ESRRG: variants seen among roughly 807,000 people sequenced by gnomAD.
ESRRG encodes the protein estrogen related receptor gamma, also known as estrogen-related receptor gamma.
A neutral mutation model predicts 44.0 loss-of-function variants in ESRRG; 13 were observed. The observed-to-expected ratio is 0.30, with a 90% CI of 0.19 to 0.47. The LOEUF is 0.47. Among genes scored for constraint, ESRRG ranks in the 20% least tolerant of loss-of-function variants. The pLI, the probability that ESRRG is intolerant of heterozygous loss-of-function variation, is 1.00. For missense variants in ESRRG, 395 were observed against 580.6 expected, an observed-to-expected ratio of 0.68 and a Z score of 3.29; for synonymous variants, 215 against 214.6, an observed-to-expected ratio of 1.00 and a Z score of -0.02.
In ESRRG at chr1:216,717,359, C is replaced by T. The variant is rs572965938; in HGVS notation, c.56+5885G>A. Among the ~76,000 whole-genome samples the T allele has an allele frequency of 2.6e-5, 4 of 151,888 alleles. No homozygotes were observed. The South Asian group carries it at 8.3e-4, about 31-fold the overall frequency. ...CTCTGAATGGAAATTATTTTATTAG[C>T]TTAGGTTTCCTAGACCTTACAAAGT... On this transcript the variant is annotated intron_variant, in intron 1 of 6. Coordinates refer to ENST00000408911, the MANE Select transcript of ESRRG (RefSeq NM_001438.4).
intron 1 of ESRRG, among the ~76,000 whole-genome samples, chr1:216,963,620 T>A (rs960186892): frequency 6.6e-6 from 1 of 152,140 alleles, no homozygotes; most frequent in South Asian, 2.1e-4. Flanking sequence ...GAGCCACCAA[T>A]CTATACAAAA....
At chr1:217,130,030 A>G (rs1401390365) in intron 1 of ESRRG, among the ~76,000 whole-genome samples, 1 of 152,192 alleles carries the variant, frequency 6.6e-6, no homozygotes, top group African/African-American at 2.4e-5. Flanking sequence ...AGAAGAAGCA[A>G]AAAGCTTCTT....
At chr1:216,594,249 G>T (rs972096731) in intron 3 of ESRRG, among the ~76,000 whole-genome samples, 2 of 152,046 alleles carry the variant, frequency 1.3e-5, no homozygotes, top group African/African-American at 4.8e-5. Flanking sequence ...ATGAGATGAG[G>T]TGTCACTGGT....
chr1:216,841,120 T>C (rs2095646293), intron 2 of ESRRG, among the ~76,000 whole-genome samples: 1 of 152,154 alleles, frequency 6.6e-6, no homozygotes, highest in Non-Finnish European at 1.5e-5. Context: ...CCTGTAGTCA[T>C]CATCAACTCA....
chr1:217,035,374 T>C (rs2082715379), intron 1 of ESRRG, among the ~76,000 whole-genome samples: 4 of 147,010 alleles, frequency 2.7e-5, no homozygotes. Context: ...GGTGTCTCAG[T>C]AAAGAATAGC....
intron 6 of ESRRG, among the ~76,000 whole-genome samples, chr1:216,507,537 C>T (rs1189124835): frequency 3.3e-5 from 5 of 152,120 alleles, no homozygotes; most frequent in Non-Finnish European, 5.9e-5. Flanking sequence ...TAAACAACCA[C>T]GGAAGGCCAT....
Position 216,544,663 on chromosome 1 carries a change from A to G in ESRRG, c.862+19556T>C, listed in dbSNP as rs368488770. 2.4e-3 allele frequency among the ~76,000 whole-genome samples: 371 copies of G among 152,208 alleles called. 2 individuals carry two copies. The highest frequency in any genetic ancestry group is 8.6e-3 in the African/African-American group (356 of 41,570). On this transcript the variant is annotated intron_variant, in intron 5 of 6. Transcript: ENST00000408911. ...AGTTAATCTAGTTAGAATGGTACCT[A>G]GAACGAGTTTCAAGAGCTGGGGGAC...
chr1:217,024,160 C>T (rs990030433), intron 1 of ESRRG, among the ~76,000 whole-genome samples: 1 of 152,050 alleles, frequency 6.6e-6, no homozygotes, highest in African/African-American at 2.4e-5. Flanking sequence ...AGATGGAGAC[C>T]ATCCTGGCTA....
At chr1:217,090,267 G>A (rs1430792626), upstream of ESRRG, among the ~76,000 whole-genome samples, 1 of 151,960 alleles carries the variant, frequency 6.6e-6, no homozygotes, top group African/African-American at 2.4e-5. Flanking sequence ...CCTTTTGACC[G>A]TCACCAATCC....
chr1:216,856,352 A>AAC (rs5780935), intron 2 of ESRRG, among the ~76,000 whole-genome samples: 10,077 of 141,884 alleles, frequency 0.071, 405 homozygotes, highest in African/African-American at 0.088. Flanking sequence ...TTCTCTCTTC[A>AAC]ACACACACAC....
chr1:217,061,152 C>A (rs1446734478), intron 1 of ESRRG, among the ~76,000 whole-genome samples: 1 of 151,804 alleles, frequency 6.6e-6, no homozygotes, highest in Non-Finnish European at 1.5e-5. Context: ...TAAAATGTTC[C>A]TTGTTCAAGA....
chr1:216,529,793 C>T (rs1006999480), intron 5 of ESRRG, among the ~76,000 whole-genome samples: 1 of 151,530 alleles, frequency 6.6e-6, no homozygotes, highest in African/African-American at 2.4e-5. Context: ...TGGGAATATC[C>T]CACAATTAAA....
intron 2 of ESRRG, among the ~76,000 whole-genome samples, chr1:216,859,871 T>C (rs2576254): frequency 0.49 from 74,481 of 152,022 alleles, 20,616 homozygotes; most frequent in African/African-American, 0.76. Flanking sequence ...CAATCAAAAG[T>C]TACCAGTCAC....
chr1:216,957,164 C>T (rs894903077), intron 1 of ESRRG, among the ~76,000 whole-genome samples: 1 of 152,110 alleles, frequency 6.6e-6, no homozygotes, highest in Non-Finnish European at 1.5e-5. Flanking sequence ...CTTTTATCTA[C>T]TCTCTGTTGA....
At chr1:216,957,000 G>C (rs2068072060) in intron 1 of ESRRG, among the ~76,000 whole-genome samples, 1 of 152,140 alleles carries the variant, frequency 6.6e-6, no homozygotes, top group Admixed American at 6.6e-5. Context: ...GTTATGAAAA[G>C]CATCATATCA....
intron 2 of ESRRG, among the ~76,000 whole-genome samples, chr1:216,866,491 T>C (rs966680988): frequency 1.3e-5 from 2 of 152,160 alleles, no homozygotes; most frequent in Non-Finnish European, 2.9e-5. Context: ...ATTAAAATCA[T>C]ATATACTAGC....
chr1:217,108,204 C>A (rs529612118), intron 1 of ESRRG, among the ~76,000 whole-genome samples: 3 of 152,140 alleles, frequency 2.0e-5, no homozygotes, highest in African/African-American at 7.2e-5. Flanking sequence ...CTGTCTCAAA[C>A]TCCACCATTA....
intron 2 of ESRRG, among the ~76,000 whole-genome samples, chr1:216,790,282 C>T (rs2094276791): frequency 6.6e-6 from 1 of 152,126 alleles, no homozygotes; most frequent in African/African-American, 2.4e-5. Flanking sequence ...TTATTCAGGT[C>T]CTGAATCTAA....
chr1:217,019,391 G>A (rs2079943448), intron 1 of ESRRG, among the ~76,000 whole-genome samples: 1 of 152,130 alleles, frequency 6.6e-6, no homozygotes, highest in South Asian at 2.1e-4. Context: ...ACTTCCAGGG[G>A]AGTTACTTCA....
Sources: allele counts gnomAD v4.1 joint callset (sites outside exome capture counted in the v4.1 genomes callset), GRCh38; gene constraint gnomAD v4.1.1; transcripts MANE v1.5; gene names NCBI Gene and HGNC (gene_info 2026-07-23, HGNC 2026-07-21).